Variants in FAM167A observed in about 807,000 individuals in gnomAD.
FAM167A encodes protein FAM167A.
FAM167A carries 23 observed loss-of-function variants against 14.9 expected under a neutral mutation model. The ratio of observed to expected loss-of-function variants is 1.55; its 90% CI spans 1.11 to 2.19. The LOEUF (loss-of-function observed/expected upper bound fraction) is 2.19. Ranked by LOEUF, FAM167A falls within the 30% of genes most tolerant of loss-of-function variation. FAM167A has a pLI of 0.00. For synonymous variants in FAM167A, 174 were observed against 117.7 expected, an observed-to-expected ratio of 1.48 and a Z score of -3.10; for missense variants, 401 against 281.5, an observed-to-expected ratio of 1.42 and a Z score of -3.04.
At chr8:11,459,917 G>A (rs765970587) in intron 1 of FAM167A, among the ~76,000 whole-genome samples, 7 of 152,224 alleles carry the variant, frequency 4.6e-5, no homozygotes, top group Non-Finnish European at 1.0e-4. Flanking sequence ...TAGTAGAGAC[G>A]GGGTTTCACC....
At chr8:11,433,312 T>G (rs1805749776) in intron 2 of FAM167A, among the ~76,000 whole-genome samples, 1 of 152,202 alleles carries the variant, frequency 6.6e-6, no homozygotes, top group East Asian at 1.9e-4. Context: ...TTCTGCTTCC[T>G]AAAATAAAGG....
At chr8:11,458,226 G>A (rs1365731124) in intron 1 of FAM167A, among the ~76,000 whole-genome samples, 3 of 152,166 alleles carry the variant, frequency 2.0e-5, no homozygotes, top group African/African-American at 4.8e-5. Context: ...CCTTATGTTT[G>A]AATTTGACTC....
chr8:11,435,992 G>A (rs995647938), intron 2 of FAM167A, among the ~76,000 whole-genome samples: 1 of 152,148 alleles, frequency 6.6e-6, no homozygotes, highest in African/African-American at 2.4e-5. Flanking sequence ...CAGCTCCTGG[G>A]TGCCGGGTCC....
At chr8:11,454,279 G>GC (rs1403639174) in intron 1 of FAM167A, among the ~76,000 whole-genome samples, 1 of 152,246 alleles carries the variant, frequency 6.6e-6, no homozygotes, top group Admixed American at 6.5e-5. Context: ...TGCTGAGCCT[G>GC]CTGTGTGTGT....
chr8:11,467,088 C>G (rs1400574817), upstream of FAM167A, among the ~76,000 whole-genome samples: 1 of 152,190 alleles, frequency 6.6e-6, no homozygotes, highest in Non-Finnish European at 1.5e-5. Context: ...GCATGGAGGG[C>G]GCAGGGGGAC....
intron 1 of FAM167A, among the ~76,000 whole-genome samples, chr8:11,465,488 T>C (rs1042906552): frequency 3.3e-5 from 5 of 152,320 alleles, no homozygotes; most frequent in Non-Finnish European, 7.4e-5. Context: ...TTCTAAGTAG[T>C]GCATGGTCCA....
upstream of FAM167A, among the ~76,000 whole-genome samples, chr8:11,471,771 G>C (rs1267859787): frequency 6.6e-6 from 1 of 152,172 alleles, no homozygotes; most frequent in East Asian, 1.9e-4. Flanking sequence ...CTTTCCACCT[G>C]GGACCTAGGG....
At chr8:11,473,199 CAG>C (rs796677867) in intron 1 of FAM167A, among the ~76,000 whole-genome samples, 6 of 152,342 alleles carry the variant, frequency 3.9e-5, no homozygotes, top group African/African-American at 1.2e-4. Context: ...AGCGAGGACA[CAG>C]GGGCTCATTT....
At chr8:11,443,345 C>T (rs887693112) in intron 2 of FAM167A, among the ~76,000 whole-genome samples, 1 of 152,224 alleles carries the variant, frequency 6.6e-6, no homozygotes, top group Non-Finnish European at 1.5e-5. Context: ...GGAAAGTGAC[C>T]GCGCTGCGGT....
intron 1 of FAM167A, among the ~76,000 whole-genome samples, chr8:11,458,003 T>G (rs916180058): frequency 5.3e-5 from 8 of 152,202 alleles, no homozygotes; most frequent in African/African-American, 1.9e-4. Flanking sequence ...GTTCAGTGTG[T>G]GCTGATGACG....
chr8:11,469,965 T>G (rs1807903057), upstream of FAM167A, among the ~76,000 whole-genome samples: 1 of 152,168 alleles, frequency 6.6e-6, no homozygotes, highest in African/African-American at 2.4e-5. Context: ...TTCTCCCAAT[T>G]CGTTTATTCA....
upstream of FAM167A, among the ~76,000 whole-genome samples, chr8:11,471,540 C>T (rs1016254502): frequency 2.1e-4 from 32 of 152,180 alleles, no homozygotes; most frequent in Non-Finnish European, 5.9e-5. Flanking sequence ...GGTTGCATCC[C>T]AGCTCCTCTG....
chr8:11,432,868 G>A (rs991693644), intron 2 of FAM167A, among the ~76,000 whole-genome samples: 1 of 152,156 alleles, frequency 6.6e-6, no homozygotes, highest in Non-Finnish European at 1.5e-5. Flanking sequence ...ATACACCATG[G>A]AATACTATGC....
At chr8:11,430,739 G>C (rs570549737) in intron 2 of FAM167A, among the ~76,000 whole-genome samples, 1 of 152,234 alleles carries the variant, frequency 6.6e-6, no homozygotes, top group South Asian at 2.1e-4. Context: ...CAAGCTTTAC[G>C]TGGTGAGGGG....
chr8:11,474,697 G>A (rs1307947716), intron 1 of FAM167A: 1 of 152,218 alleles, frequency 6.6e-6, no homozygotes, highest in East Asian at 1.9e-4. Flanking sequence ...ACCCACTGAT[G>A]TTTCATGGTC....
At chr8:11,435,953 C>T (rs1173130578) in intron 2 of FAM167A, among the ~76,000 whole-genome samples, 3 of 152,230 alleles carry the variant, frequency 2.0e-5, no homozygotes, top group South Asian at 2.1e-4. Context: ...CATTCAGTTA[C>T]GTTTTTACTT....
In FAM167A at chr8:11,444,323, A is replaced by G; in HGVS notation, c.89T>C (p.Leu30Pro). The change falls in exon 2 of 3, where the codon CTG (leucine) becomes CCG (proline). Residue 30 changes from leucine to proline, a missense_variant. Coordinates refer to ENST00000284486, the MANE Select transcript of FAM167A (RefSeq NM_053279.3). ...AAPPDDHLRS[L>P]KALTEKLRLE... ...CCTCAGTTTCTCGGTGAGGGCCTTC[A>G]GGCTCCGGAGGTGGTCATCGGGTGG... is the stretch of plus-strand genomic sequence containing the variant. 1 of 1,611,024 alleles carries G rather than the reference A, an allele frequency of 6.2e-7. No individual in the cohort carries two copies. The highest frequency in any genetic ancestry group is 1.1e-5 in the South Asian group (1 of 90,978).
chr8:11,427,482 G>A (rs1262278343), intron 2 of FAM167A, among the ~76,000 whole-genome samples: 1 of 152,204 alleles, frequency 6.6e-6, no homozygotes. Flanking sequence ...ATGCTCGGCT[G>A]TGCCATTTAC....
At chr8:11,439,780 T>C (rs1210251000) in intron 2 of FAM167A, among the ~76,000 whole-genome samples, 3 of 152,184 alleles carry the variant, frequency 2.0e-5, no homozygotes, top group Non-Finnish European at 2.9e-5. Flanking sequence ...GAAGACTTTA[T>C]TGCCCCTTTT....
Sources: gnomAD v4.1 joint callset for allele counts (sites outside exome capture counted in the v4.1 genomes callset) on GRCh38, gnomAD v4.1.1 for gene constraint, MANE v1.5 for transcripts, NCBI Gene and HGNC (gene_info 2026-07-23, HGNC 2026-07-21) for gene names.